Variants in TMEM145 observed in about 807,000 individuals in gnomAD.
TMEM145 encodes the protein transmembrane protein 145.
A neutral mutation model predicts 68.5 loss-of-function variants in TMEM145; 46 were observed. The observed-to-expected ratio is 0.67, with a 90% CI of 0.53 to 0.86. The LOEUF (loss-of-function observed/expected upper bound fraction) is 0.86. Among genes scored for constraint, TMEM145 ranks in the 40% least tolerant of loss-of-function variants. The probability of loss-of-function intolerance (pLI) is 0.00; values close to 1 mark genes in which losing one functional copy is unlikely to be tolerated. For synonymous variants in TMEM145, 255 were observed against 280.2 expected, an observed-to-expected ratio of 0.91 and a Z score of 0.90; for missense variants, 570 against 645.8, an observed-to-expected ratio of 0.88 and a Z score of 1.27.
At chr19:42,316,051 C>A (rs1327283851) in intron 8 of TMEM145, among the ~76,000 whole-genome samples, 1 of 151,240 alleles carries the variant, frequency 6.6e-6, no homozygotes, top group South Asian at 2.1e-4. Context: ...CAAAACAAAA[C>A]AAAACAATAA....
intron 14 of TMEM145, 99 bp downstream of exon 14, chr19:42,323,888 CCT>C (rs1451724672): frequency 1.9e-6 from 2 of 1,059,726 alleles, no homozygotes; most frequent in Non-Finnish European, 2.7e-6. Context: ...CGCCCGGACC[CCT>C]GAGCCCTCCT....
chr19:42,323,796 C>T lies in TMEM145; in HGVS notation c.1401+7C>T. The T allele has an allele frequency of 6.2e-7, 1 of 1,613,256 alleles. No individual in the cohort carries two copies. The highest frequency in any genetic ancestry group is 8.5e-7 in the Non-Finnish European group (1 of 1,179,448). On this transcript the variant is annotated splice_region_variant and intron_variant, in intron 14 of 14. Transcript: ENST00000301204. ...CCCCCCGCCCGCCACCTCCGTAAGC[C>T]CCGCGGCCCCAGCGCCCGAGGAGCT...
intron 13 of TMEM145, chr19:42,321,215 A>G (rs1222561433): frequency 5.0e-6 from 2 of 397,272 alleles, no homozygotes; most frequent in Non-Finnish European, 8.8e-6. Flanking sequence ...ACAGGAGGGT[A>G]CAGCACCACA....
At chr19:42,322,279 C>T (rs2038918529) in intron 13 of TMEM145, among the ~76,000 whole-genome samples, 1 of 152,196 alleles carries the variant, frequency 6.6e-6, no homozygotes, top group African/African-American at 2.4e-5. Context: ...GTGCTGGGCT[C>T]TGCACCAGTG....
At chr19:42,320,178 C>A in intron 12 of TMEM145, 139 bp from the exon 13 acceptor site, 1 of 1,177,838 alleles carries the variant, frequency 8.5e-7, no homozygotes, top group Non-Finnish European at 1.2e-6. Context: ...CAGTCTCTGG[C>A]TTCTGAAGGT....
Position 42,313,498 on chromosome 19 carries a change from T to G in TMEM145, c.120+2T>G. 1 of 1,285,980 alleles carries G rather than the reference T, an allele frequency of 7.8e-7. No individual in the cohort carries two copies. The highest frequency in any genetic ancestry group is 2.6e-5 in the South Asian group (1 of 37,828). 79.7% of individuals were successfully genotyped at this position (1,285,980 alleles called of 1,614,324 possible). A position where few individuals can be genotyped will look rare whatever the true frequency, so the allele number is the denominator to read the frequency against. ...CGGGGCAACCTCAGTTCCAAGGAGG[T>G]GAGCATGCCGAGCCCTCCTCTGCGG... is the stretch of plus-strand genomic sequence containing the variant. On this transcript the variant is annotated splice_donor_variant, in intron 1 of 14. Transcript: ENST00000301204. LOFTEE classifies it high-confidence loss of function. The surrounding 1 kb of genome is among the most constrained non-coding windows in gnomAD (Gnocchi z 5.1).
In TMEM145 at chr19:42,317,789, C is replaced by T. The variant is rs765902121; in HGVS notation, c.981C>T (p.Tyr327=). 2.9e-5 allele frequency: 47 copies of T among 1,614,056 alleles called. No individual in the cohort carries two copies. The highest frequency in any genetic ancestry group is 3.3e-5 in the Non-Finnish European group (39 of 1,180,038). ...YGLIGLQVAA[Y]VWFCYAVLVS... is the part of the protein sequence containing the mutation. Reference sequence around the variant, plus strand: ...TCATTGGACTGCAGGTGGCGGCCTACGTGTGGTTCTGCTATGCTGTGCTTG... The same window carrying T: ...TCATTGGACTGCAGGTGGCGGCCTATGTGTGGTTCTGCTATGCTGTGCTTG... Residue 327 remains tyrosine (Y), a synonymous_variant, in exon 12 of 15, where the codon TAC becomes TAT. Coordinates refer to ENST00000301204, the MANE Select transcript of TMEM145 (RefSeq NM_173633.3).
chr19:42,318,221 A>G (rs2038878525), intron 12 of TMEM145, among the ~76,000 whole-genome samples: 2 of 151,908 alleles, frequency 1.3e-5, no homozygotes, highest in South Asian at 4.2e-4. Context: ...CAAAAAAATT[A>G]GCCAGCCATG....
rs2038820925 is a variant in TMEM145, at chr19:42,313,361, G to A, written c.-16G>A. On this transcript the variant is annotated 5_prime_UTR_variant, in exon 1 of 15. Coordinates refer to ENST00000301204, the MANE Select transcript of TMEM145 (RefSeq NM_173633.3). The surrounding 1 kb of genome is among the most constrained non-coding windows in gnomAD (Gnocchi z 5.1). The stretch of plus-strand genomic sequence containing the variant: ...AGTGCGGGAGCCGGAGCGGAGCCGG[G>A]GCCGGAGCGGGCGGAATGGAGCCCC... 9.4e-7 allele frequency: 1 copy of A among 1,061,446 alleles called. No individual in the cohort carries two copies. The highest frequency in any genetic ancestry group is 1.2e-6 in the Non-Finnish European group (1 of 816,630). 65.8% of individuals were successfully genotyped at this position (1,061,446 alleles called of 1,614,324 possible). A position where few individuals can be genotyped will look rare whatever the true frequency, so the allele number is the denominator to read the frequency against.
intron 14 of TMEM145, chr19:42,324,511 T>TGCACCCCCGGTCTGA (rs1318035656): frequency 1.3e-5 from 13 of 985,196 alleles, no homozygotes; most frequent in Admixed American, 6.1e-5. Flanking sequence ...CCGGGGGCAC[T>TGCACCCCCGGTCTGA]GCACCCCCGG....
rs2038863618 is a variant in TMEM145, at chr19:42,316,850, C to T, written c.807-20C>T. 1.2e-6 allele frequency: 2 copies of T among 1,612,634 alleles called. No homozygotes were observed. Among genetic ancestry groups the T allele is most frequent in the Middle Eastern group, 1.7e-4 (1 of 6,018 alleles). On this transcript the variant is annotated intron_variant, in intron 10 of 14. Coordinates refer to ENST00000301204, the MANE Select transcript of TMEM145 (RefSeq NM_173633.3). ...CTGACGGCCCCCACCCTGCTGTCTCCCCTCATGGCCTGCTGCCAGGGGCCG... is the reference window on the plus strand; with the variant it reads ...CTGACGGCCCCCACCCTGCTGTCTCTCCTCATGGCCTGCTGCCAGGGGCCG...
chr19:42,314,328 C>T lies in TMEM145; in HGVS notation c.177C>T (p.Phe59=), dbSNP rs768887283. ...TCTCGGATTACGGCCGACTGGACTT[C>T]CGTTTCCGCTACCCTGAGGTGAGTC... ...CFLSDYGRLD[F]RFRYPEAKCC... The change falls in exon 2 of 15, where the codon TTC becomes TTT. Residue 59 remains phenylalanine, a synonymous_variant. Coordinates refer to ENST00000301204, the MANE Select transcript of TMEM145 (RefSeq NM_173633.3). The T allele has an allele frequency of 1.9e-6, 3 of 1,613,944 alleles. No homozygotes were observed. Among genetic ancestry groups the T allele is most frequent in the Non-Finnish European group, 2.5e-6 (3 of 1,180,026 alleles).
Position 42,320,311 on chromosome 19 carries a change from C to G in TMEM145, c.1074-6C>G. 6.2e-7 allele frequency: 1 copy of G among 1,613,830 alleles called. No homozygotes were observed. Among genetic ancestry groups the G allele is most frequent in the South Asian group, 1.1e-5 (1 of 91,076 alleles). On this transcript the variant is annotated splice_polypyrimidine_tract_variant and splice_region_variant and intron_variant, in intron 12 of 14. Transcript: ENST00000301204. ...TGTCTCTACTGACCCAATACTTCCC[C>G]TTCAGGTTCTTTGCGGTTCCTGTCA...
At chr19:42,317,428 G>C (rs2038869943) in intron 11 of TMEM145, among the ~76,000 whole-genome samples, 1 of 152,214 alleles carries the variant, frequency 6.6e-6, no homozygotes, top group Non-Finnish European at 1.5e-5. Context: ...CTGTGAGATG[G>C]AGCAGTAATA....
At chr19:42,315,162 C>A (rs755667671) in intron 6 of TMEM145, 26 bp from the exon 7 acceptor site, 117 of 1,613,262 alleles carry the variant, frequency 7.3e-5, no homozygotes, top group Non-Finnish European at 9.2e-5. Context: ...CCTGAATGAA[C>A]CTTACTCCTC....
rs1473029584 is a variant in TMEM145 at position 42,316,581 on chromosome 19, G to A, written c.727+20G>A. On this transcript the variant is annotated intron_variant, in intron 9 of 14. Coordinates refer to ENST00000301204, the MANE Select transcript of TMEM145 (RefSeq NM_173633.3). ...TCTTGGGTGAGAATGAAGCTGGGTGGGGAGAGGGTGGAGCCCAGGGCTCAG... is the reference window on the plus strand; with the variant it reads ...TCTTGGGTGAGAATGAAGCTGGGTGAGGAGAGGGTGGAGCCCAGGGCTCAG... 6 of 1,613,660 alleles carry A rather than the reference G, an allele frequency of 3.7e-6. No individual in the cohort carries two copies. The highest frequency in any genetic ancestry group is 1.7e-5 in the Admixed American group (1 of 59,988).
At chr19:42,321,091 T>A (rs562475856) in intron 13 of TMEM145, 1 of 398,876 alleles carries the variant, frequency 2.5e-6, no homozygotes, top group African/African-American at 2.1e-5. Context: ...CCCACCCTCC[T>A]TGATCTCTCC....
rs762495722 is a variant in TMEM145 at position 42,316,756 on chromosome 19, G to A, written c.806+16G>A. On this transcript the variant is annotated intron_variant, in intron 10 of 14. Coordinates refer to ENST00000301204, the MANE Select transcript of TMEM145 (RefSeq NM_173633.3). ...CGGTGACACGGTGCCCGGGCAGGGC[G>A]TGCTCGTGGGGCGGCTGGTGGGGGA... 1.1e-5 allele frequency: 17 copies of A among 1,612,652 alleles called. No individual in the cohort carries two copies. The highest frequency in any genetic ancestry group is 3.3e-5 in the South Asian group (3 of 91,058).
rs1168882113 is a variant in TMEM145, at chr19:42,324,849, C to T, written c.*32C>T. 2 of 1,514,672 alleles carry T rather than the reference C, an allele frequency of 1.3e-6. No individual in the cohort carries two copies. 93.8% of individuals were successfully genotyped at this position (1,514,672 alleles called of 1,614,324 possible). A position where few individuals can be genotyped will look rare whatever the true frequency, so the allele number is the denominator to read the frequency against. ...TGGACTCCGGAACACCCGTGGTGAC[C>T]GCCGGGACCCTGCCTGTGACTCTCC... On this transcript the variant is annotated 3_prime_UTR_variant, in exon 15 of 15. Coordinates refer to ENST00000301204, the MANE Select transcript of TMEM145 (RefSeq NM_173633.3).
Sources: gnomAD v4.1 joint callset for allele counts (sites outside exome capture counted in the v4.1 genomes callset) on GRCh38, gnomAD v4.1.1 for gene constraint, Gnocchi (gnomAD v3.1) non-coding constraint, MANE v1.5 for transcripts, NCBI Gene and HGNC (gene_info 2026-07-23, HGNC 2026-07-21) for gene names.